The following PIEZO1 variants were observed in gnomAD, a reference collection of about 807,000 sequenced individuals.
PIEZO1 encodes the protein piezo type mechanosensitive ion channel component 1 (Er blood group).
In PIEZO1, 296 loss-of-function variants were observed where a neutral mutation model predicts 297.2. That is an observed-to-expected ratio of 1.00 (90% CI 0.91 to 1.10). The LOEUF (loss-of-function observed/expected upper bound fraction) is 1.10, where lower values mean the gene tolerates loss of function less well. PIEZO1 is among the 50% of genes least tolerant of loss of function. The pLI is 0.00. For missense variants in PIEZO1, 5,018 were observed against 3,455.5 expected (o/e 1.45, Z -11.34); for synonymous variants, 2,427 against 1,507.5 (o/e 1.61, Z -14.13).
At chr16:88,724,018 C>A in intron 30 of PIEZO1, 47 bp from the exon 31 acceptor site, 2 of 1,139,972 alleles carry the variant, frequency 1.8e-6, no homozygotes, top group South Asian at 2.7e-5. Flanking sequence ...CAGGGAGACT[C>A]CCAGCCAGAC....
In PIEZO1 at chr16:88,725,092, C is replaced by T. The variant is rs1904330845; in HGVS notation, c.4163-12G>A. Reference sequence around the variant, plus strand: ...TGGACTGTCGGGCCCTGTGGAGGGGCAGGGTGAGCATGAGGCAGCAGTCAA... The same window carrying T: ...TGGACTGTCGGGCCCTGTGGAGGGGTAGGGTGAGCATGAGGCAGCAGTCAA... On this transcript the variant is annotated splice_polypyrimidine_tract_variant and intron_variant, in intron 29 of 50. Coordinates refer to ENST00000301015, the MANE Select transcript of PIEZO1 (RefSeq NM_001142864.4). 1 of 1,503,832 alleles carries T rather than the reference C, an allele frequency of 6.6e-7. No homozygotes were observed. Among genetic ancestry groups the T allele is most frequent in the Admixed American group, 2.5e-5 (1 of 40,518 alleles). 93.2% of individuals were successfully genotyped at this position (1,503,832 alleles called of 1,614,324 possible). A position where few individuals can be genotyped will look rare whatever the true frequency, so the allele number is the denominator to read the frequency against.
At position 88,731,699 on chromosome 16, in the gene PIEZO1, C is replaced by G. The variant is rs544520218; in HGVS notation, c.3196+7G>C. ...GCCCACTCCCACCCAAGCCACGTGCCCCTCACCAATGCACAGGGCCGGGGG... is the reference window on the plus strand; with the variant it reads ...GCCCACTCCCACCCAAGCCACGTGCGCCTCACCAATGCACAGGGCCGGGGG... On this transcript the variant is annotated splice_region_variant and intron_variant, in intron 22 of 50. Transcript: ENST00000301015. 3.0e-5 allele frequency: 46 copies of G among 1,548,392 alleles called. No homozygotes were observed. Among genetic ancestry groups the G allele is most frequent in the Admixed American group, 3.9e-5 (2 of 50,928 alleles).
chr16:88,770,882 G>A (rs939032904), intron 1 of PIEZO1, among the ~76,000 whole-genome samples: 1 of 152,246 alleles, frequency 6.6e-6, no homozygotes, highest in Non-Finnish European at 1.5e-5. Context: ...GTGCCCTGGG[G>A]GCTTGGGCGA....
At position 88,737,570 on chromosome 16, in the gene PIEZO1, A is replaced by T. The variant is rs1411888889; in HGVS notation, c.1184T>A (p.Leu395Gln). 6 of 1,532,912 alleles carry T rather than the reference A, an allele frequency of 3.9e-6. No homozygotes were observed. The highest frequency in any genetic ancestry group is 5.2e-6 in the Non-Finnish European group (6 of 1,145,666). 95.0% of individuals were successfully genotyped at this position (1,532,912 alleles called of 1,614,324 possible). A position where few individuals can be genotyped will look rare whatever the true frequency, so the allele number is the denominator to read the frequency against. ...TGTGCGGTACTCACCAGGCCGCCGC[A>T]GGACGGAGCTCTGGCCGGTCAGCTC... Reference protein sequence around the residue: ...VHELTGQSSVLRRPVRPKRAE... With the variant: ...VHELTGQSSVQRRPVRPKRAE... The change falls in exon 10 of 51, where the codon CTG becomes CAG. Residue 395 changes from leucine to glutamine, a missense_variant. Leu to Gln is a moderately radical substitution (Grantham distance 113). Transcript: ENST00000301015.
At chr16:88,735,885 C>T (rs996137945) in intron 12 of PIEZO1, among the ~76,000 whole-genome samples, 10 of 152,220 alleles carry the variant, frequency 6.6e-5, no homozygotes, top group Non-Finnish European at 1.2e-4. Flanking sequence ...AGGGGTGGTG[C>T]CCGTGCCAAC....
chr16:88,760,699 C>T (rs981501693), intron 1 of PIEZO1, among the ~76,000 whole-genome samples: 6 of 150,838 alleles, frequency 4.0e-5, no homozygotes, highest in South Asian at 2.1e-4. Context: ...CAAGCGGAGA[C>T]ACCCGCCTTT....
Position 88,725,462 on chromosome 16 carries a change from A to T in PIEZO1, c.4116T>A (p.Ser1372Arg). The change falls in exon 29 of 51, where the codon AGT becomes AGA. Residue 1372 changes from serine to arginine, a missense_variant. Transcript: ENST00000301015. ...TGGGGCCCAGGGTGTCCTGGGGGCGACTGCGGTCCACCCGGCCCTGCCTGT... is the reference window on the plus strand; with the variant it reads ...TGGGGCCCAGGGTGTCCTGGGGGCGTCTGCGGTCCACCCGGCCCTGCCTGT... ...EKHRQGRVDRSRPQDTLGPKD... is the reference protein window; with the variant it reads ...EKHRQGRVDRRRPQDTLGPKD... The T allele has an allele frequency of 6.6e-7, 1 of 1,506,254 alleles. No homozygotes were observed. Among genetic ancestry groups the T allele is most frequent in the Non-Finnish European group, 8.9e-7 (1 of 1,123,616 alleles). 93.3% of individuals were successfully genotyped at this position (1,506,254 alleles called of 1,614,324 possible).
Position 88,727,609 on chromosome 16 carries a change from C to G in PIEZO1, c.3249G>C (p.Lys1083Asn), listed in dbSNP as rs748103196. The G allele has an allele frequency of 6.5e-7, 1 of 1,537,436 alleles. No homozygotes were observed. The highest frequency in any genetic ancestry group is 1.2e-5 in the South Asian group (1 of 82,818). Residue 1083 changes from lysine to asparagine, a missense_variant, in exon 23 of 51, where the codon AAG becomes AAC. Transcript: ENST00000301015. ...RAVPMNSALI[K>N]WLYLPDFFRA... ...GGAAGAAATCAGGCAGGTACAGCCA[C>G]TTGATGAGTGCGGAGTTCATGGGGA... is the stretch of plus-strand genomic sequence containing the variant.
intron 1 of PIEZO1, among the ~76,000 whole-genome samples, chr16:88,768,187 G>C (rs1241302682): frequency 6.6e-6 from 1 of 152,232 alleles, no homozygotes; most frequent in Non-Finnish European, 1.5e-5. Context: ...GGTGGGGCAA[G>C]AGCTGGGCTC....
chr16:88,743,137 G>A (rs1364891236), intron 2 of PIEZO1: 1 of 456,336 alleles, frequency 2.2e-6, no homozygotes, highest in Non-Finnish European at 4.4e-6. Flanking sequence ...CCAGCTGCCT[G>A]TGGCCCCACT....
At chr16:88,733,174 C>G in intron 19 of PIEZO1, 104 bp downstream of exon 19, 1 of 1,085,016 alleles carries the variant, frequency 9.2e-7, no homozygotes, top group South Asian at 1.6e-5. Context: ...CCTCCATCTC[C>G]ATTGCTGGCC....
At chr16:88,723,185 C>T (rs915427394) in intron 32 of PIEZO1, 34 bp from the exon 33 acceptor site, 2 of 1,549,158 alleles carry the variant, frequency 1.3e-6, no homozygotes, top group African/African-American at 1.4e-5. Context: ...GACTGGCAGT[C>T]CCGCGGCTTC....
At chr16:88,730,033 T>C (rs1045748257) in intron 22 of PIEZO1, among the ~76,000 whole-genome samples, 1 of 152,220 alleles carries the variant, frequency 6.6e-6, no homozygotes. Flanking sequence ...TAGGTGACGC[T>C]TGATAGCAGG....
rs1347087710 is a variant in PIEZO1, at chr16:88,720,599, C to T, written c.5801+17G>A. 1.2e-5 allele frequency: 18 copies of T among 1,542,278 alleles called. 1 individual carries two copies. Among genetic ancestry groups the T allele is most frequent in the Admixed American group, 9.8e-5 (5 of 50,774 alleles). On this transcript the variant is annotated intron_variant, in intron 40 of 50. Transcript: ENST00000301015. ...CCCACCCCCACTCCCCAGCTGCCCC[C>T]GGCCGCCATCACTCACAGGGACAGG...
Position 88,725,484 on chromosome 16 carries a change from C to T in PIEZO1, c.4094G>A (p.Arg1365Lys). Residue 1365 changes from arginine (R) to lysine (K), a missense_variant, in exon 29 of 51, where the codon AGG (arginine) becomes AAG (lysine). Physicochemically the swap from Arg to Lys is conservative, Grantham distance 26. Coordinates refer to ENST00000301015, the MANE Select transcript of PIEZO1 (RefSeq NM_001142864.4). ...GCGACTGCGGTCCACCCGGCCCTGC[C>T]TGTGCTTCTCCTGCTTGGCACGGAT... ...ERIRAKQEKHRQGRVDRSRPQ... is the reference protein window; with the variant it reads ...ERIRAKQEKHKQGRVDRSRPQ... 6.6e-7 allele frequency: 1 copy of T among 1,525,418 alleles called. No individual in the cohort carries two copies. Among genetic ancestry groups the T allele is most frequent in the Non-Finnish European group, 8.8e-7 (1 of 1,132,468 alleles). 94.5% of individuals were successfully genotyped at this position (1,525,418 alleles called of 1,614,324 possible). A position where few individuals can be genotyped will look rare whatever the true frequency, so the allele number is the denominator to read the frequency against.
intron 1 of PIEZO1, among the ~76,000 whole-genome samples, chr16:88,770,050 G>A (rs1423435557): frequency 3.9e-5 from 6 of 152,190 alleles, no homozygotes; most frequent in Non-Finnish European, 7.4e-5. Context: ...GACTGTTGAC[G>A]CATGGCCCGT....
At chr16:88,735,496 C>A (rs752281307) in intron 12 of PIEZO1, among the ~76,000 whole-genome samples, 1 of 152,404 alleles carries the variant, frequency 6.6e-6, no homozygotes. Context: ...GAGTCACACA[C>A]GGGTTCACTA....
rs1270113658 is a variant in PIEZO1, at chr16:88,783,955, A to G, written c.64+946T>C. Among the ~76,000 whole-genome samples the G allele has an allele frequency of 3.9e-5, 6 of 152,160 alleles. No individual in the cohort carries two copies. In the East Asian group the frequency reaches 7.7e-4, roughly 20 times the overall value. ...CTGCCGTGTCCATGGCGGACTCCCA[A>G]TGCAAACCGTCCCACTTGTCCGTGG... On this transcript the variant is annotated intron_variant, in intron 1 of 50. Coordinates refer to ENST00000301015, the MANE Select transcript of PIEZO1 (RefSeq NM_001142864.4).
rs1395422300 is a variant in PIEZO1, at chr16:88,715,492, C to G, written c.*113G>C. On this transcript the variant is annotated 3_prime_UTR_variant, in exon 51 of 51. Coordinates refer to ENST00000301015, the MANE Select transcript of PIEZO1 (RefSeq NM_001142864.4). Reference sequence around the variant, plus strand: ...TCAGGCAGGCCGGGAGGATGCATCACAGCTGGCGGCCTTGGACGGGGCAGT... The same window carrying G: ...TCAGGCAGGCCGGGAGGATGCATCAGAGCTGGCGGCCTTGGACGGGGCAGT... The G allele has an allele frequency of 2.6e-6, 3 of 1,154,676 alleles. No individual in the cohort carries two copies. The highest frequency in any genetic ancestry group is 2.4e-6 in the Non-Finnish European group (2 of 820,008). 71.5% of individuals were successfully genotyped at this position (1,154,676 alleles called of 1,614,324 possible). A position where few individuals can be genotyped will look rare whatever the true frequency, so the allele number is the denominator to read the frequency against.
Sources: allele counts gnomAD v4.1 joint callset (sites outside exome capture counted in the v4.1 genomes callset), GRCh38; gene constraint gnomAD v4.1.1; transcripts MANE v1.5; gene names NCBI Gene and HGNC (gene_info 2026-07-23, HGNC 2026-07-21).